The following RBFOX1 variants were observed in gnomAD, a reference collection of about 807,000 sequenced individuals.
RBFOX1 encodes the protein RNA binding fox-1 homolog 1.
In RBFOX1, 8 loss-of-function variants were observed where a neutral mutation model predicts 57.7. That is an observed-to-expected ratio of 0.14 (90% CI 0.08 to 0.25). The LOEUF is 0.25. Ranked by LOEUF, RBFOX1 falls within the 10% of genes least tolerant of loss-of-function variation. The pLI is 1.00. For missense variants in RBFOX1, 611 were observed against 548.5 expected (o/e 1.11, Z -1.14); for synonymous variants, 326 against 222.4 (o/e 1.47, Z -4.15).
chr16:7,190,605 G>C (rs556290461), intron 4 of RBFOX1, among the ~76,000 whole-genome samples: 28 of 152,016 alleles, frequency 1.8e-4, no homozygotes, highest in Admixed American at 6.6e-4. Context: ...GTAGTACTGA[G>C]GTATAGAGGG....
chr16:5,324,385 C>G (rs991895507), intron 1 of RBFOX1, among the ~76,000 whole-genome samples: 5 of 152,180 alleles, frequency 3.3e-5, no homozygotes, highest in African/African-American at 7.2e-5. Context: ...ATCACTTGAA[C>G]CCAGGAGGCA....
chr16:6,430,861 T>C (rs1165860106), intron 2 of RBFOX1, among the ~76,000 whole-genome samples: 1 of 150,924 alleles, frequency 6.6e-6, no homozygotes, highest in African/African-American at 2.4e-5. Flanking sequence ...TCAGGAACAG[T>C]AGCTCATGCC....
At chr16:5,330,035 G>T (rs1214293151) in intron 1 of RBFOX1, among the ~76,000 whole-genome samples, 1 of 150,898 alleles carries the variant, frequency 6.6e-6, no homozygotes, top group African/African-American at 2.5e-5. Flanking sequence ...GTGCCTTCTT[G>T]CCGTGTCCTC....
At chr16:7,204,480 A>G (rs1248629010) in intron 4 of RBFOX1, among the ~76,000 whole-genome samples, 1 of 152,138 alleles carries the variant, frequency 6.6e-6, no homozygotes, top group Admixed American at 6.5e-5. Context: ...TGTCTCTATA[A>G]AAATTATAAT....
intron 3 of RBFOX1, among the ~76,000 whole-genome samples, chr16:5,621,396 G>A (rs1486827399): frequency 1.3e-5 from 2 of 152,246 alleles, no homozygotes; most frequent in South Asian, 2.1e-4. Context: ...GATGCACCCA[G>A]TGTAGGCCGT....
At chr16:7,463,240 A>G (rs1297941332) in intron 4 of RBFOX1, among the ~76,000 whole-genome samples, 1 of 152,140 alleles carries the variant, frequency 6.6e-6, no homozygotes, top group Non-Finnish European at 1.5e-5. Flanking sequence ...ATGCTGGCTC[A>G]CCCCTGTAAT....
chr16:5,632,710 A>T (rs1349360707), intron 3 of RBFOX1: 1 of 152,210 alleles, frequency 6.6e-6, no homozygotes, highest in East Asian at 1.9e-4. Flanking sequence ...CAGCCGCATC[A>T]CTGTGATTTA....
At chr16:7,281,730 G>A (rs942045052) in intron 4 of RBFOX1, among the ~76,000 whole-genome samples, 1 of 152,110 alleles carries the variant, frequency 6.6e-6, no homozygotes, top group Non-Finnish European at 1.5e-5. Context: ...AGTCTATTGA[G>A]GGAAACGTGG....
intron 3 of RBFOX1, among the ~76,000 whole-genome samples, chr16:5,633,872 C>G (rs1246102668): frequency 6.7e-6 from 1 of 149,016 alleles, no homozygotes; most frequent in Non-Finnish European, 1.5e-5. Context: ...AAAAAGTAGA[C>G]AAAGGAAATA....
chr16:5,370,718 C>T lies in RBFOX1; in HGVS notation c.220-96498C>T, dbSNP rs542242125. 3.9e-5 allele frequency among the ~76,000 whole-genome samples: 6 copies of T among 152,066 alleles called. No individual in the cohort carries two copies. The East Asian group carries it at 1.2e-3, about 30-fold the overall frequency. On this transcript the variant is annotated intron_variant, in intron 1 of 2. Transcript: ENST00000585867. ...GTGTTGCCCAGGCTGATCTTTAACA[C>T]CTAGACTCAAACTGTTCTCCCACCT...
intron 3 of RBFOX1, among the ~76,000 whole-genome samples, chr16:6,984,429 C>G (rs78568934): frequency 2.0e-5 from 3 of 151,930 alleles, no homozygotes; most frequent in African/African-American, 7.3e-5. Context: ...TCCAGTGAGA[C>G]GAACCATCAG....
chr16:6,176,029 G>T (rs898352769), intron 1 of RBFOX1, among the ~76,000 whole-genome samples: 16 of 152,162 alleles, frequency 1.1e-4, no homozygotes, highest in Non-Finnish European at 2.4e-4. Context: ...CTTTCCAGGG[G>T]AGGCTAATGG....
intron 3 of RBFOX1, among the ~76,000 whole-genome samples, chr16:6,869,664 C>A (rs904413499): frequency 6.6e-6 from 1 of 151,994 alleles, no homozygotes; most frequent in Non-Finnish European, 1.5e-5. Context: ...GGATTTTTAC[C>A]CTTCTCAAAA....
chr16:6,655,620 C>G (rs1012928714), intron 3 of RBFOX1, among the ~76,000 whole-genome samples: 17 of 152,032 alleles, frequency 1.1e-4, no homozygotes, highest in African/African-American at 4.1e-4. Context: ...TTTTTATTGA[C>G]AAGAGTTCAC....
Position 6,937,913 on chromosome 16 carries a change from G to A in RBFOX1, c.-15-114144G>A, listed in dbSNP as rs561579917. ...GGTATCATGAGGCATTCCTATCATG[G>A]TCTGAATCAGTTTTTCAGCTCAACT... On this transcript the variant is annotated intron_variant, in intron 3 of 15. Transcript: ENST00000550418. Among the ~76,000 whole-genome samples, 738 of 136,714 alleles carry A rather than the reference G, an allele frequency of 5.4e-3. 1 individual carries two copies. Among genetic ancestry groups the A allele is most frequent in the Non-Finnish European group, 7.7e-3 (509 of 66,234 alleles). The allele number at this position is 136,714 out of a possible 152,430, so 89.7% of individuals were successfully genotyped here.
At position 6,196,137 on chromosome 16, in the gene RBFOX1, C is replaced by G. The variant is rs147803809; in HGVS notation, c.-126-120858C>G. On this transcript the variant is annotated intron_variant, in intron 1 of 15. Transcript: ENST00000550418. ...TTCTCACTTAGTGCTTCAAATAGTT[C>G]TACAAGTTAGGCTTCATTGTCTCCC... is the stretch of plus-strand genomic sequence containing the variant. Among the ~76,000 whole-genome samples the G allele has an allele frequency of 9.5e-4, 144 of 152,284 alleles. 1 individual carries two copies. Among genetic ancestry groups the G allele is most frequent in the African/African-American group, 3.2e-3 (135 of 41,558 alleles).
At chr16:6,814,583 G>A (rs11648889) in intron 3 of RBFOX1, among the ~76,000 whole-genome samples, 5,902 of 152,190 alleles carry the variant, frequency 0.039, 168 homozygotes, top group Middle Eastern at 0.088. Context: ...TGATAGATGC[G>A]AATCACAGAG....
At chr16:6,489,061 ATCTT>A (rs1300382763) in intron 2 of RBFOX1, among the ~76,000 whole-genome samples, 1 of 152,306 alleles carries the variant, frequency 6.6e-6, no homozygotes, top group South Asian at 2.1e-4. Context: ...TCCTTGGAAC[ATCTT>A]TCTTTATAAA....
intron 1 of RBFOX1, among the ~76,000 whole-genome samples, chr16:6,214,264 G>C (rs991949930): frequency 6.6e-6 from 1 of 152,034 alleles, no homozygotes; most frequent in South Asian, 2.1e-4. Flanking sequence ...TCTTTAATAT[G>C]CTAGTATGCA....
Sources: gnomAD v4.1 joint callset for allele counts (sites outside exome capture counted in the v4.1 genomes callset) on GRCh38, gnomAD v4.1.1 for gene constraint, MANE v1.5 for transcripts, NCBI Gene and HGNC (gene_info 2026-07-23, HGNC 2026-07-21) for gene names.